The following CD200R1L variants were observed in gnomAD, a reference collection of about 807,000 sequenced individuals.
CD200R1L encodes the protein cell surface glycoprotein CD200 receptor 2.
In CD200R1L, 14 loss-of-function variants were observed where a neutral mutation model predicts 24.8. The observed-to-expected ratio is 0.56, with a 90% CI of 0.37 to 0.88. The LOEUF is 0.88. CD200R1L is among the 40% of genes least tolerant of loss of function. The probability of loss-of-function intolerance (pLI) is 0.00; values close to 1 mark genes in which losing one functional copy is unlikely to be tolerated. For missense variants in CD200R1L, 299 were observed against 297.8 expected (o/e 1.00, Z -0.03); for synonymous variants, 111 against 109.2 (o/e 1.02, Z -0.11).
intron 3 of CD200R1L, among the ~76,000 whole-genome samples, chr3:112,832,678 T>C (rs1938830822): frequency 6.6e-6 from 1 of 152,228 alleles, no homozygotes; most frequent in Non-Finnish European, 1.5e-5. Flanking sequence ...CAACGGCAGC[T>C]ACTCTGCCAG....
intron 2 of CD200R1L, among the ~76,000 whole-genome samples, chr3:112,844,290 C>T (rs988678160): frequency 5.3e-5 from 8 of 152,162 alleles, no homozygotes; most frequent in African/African-American, 1.9e-4. Flanking sequence ...CAGCCACATG[C>T]TCAACCACAA....
chr3:112,836,213 A>G (rs1938941019), intron 3 of CD200R1L, among the ~76,000 whole-genome samples: 1 of 152,218 alleles, frequency 6.6e-6, no homozygotes, highest in Non-Finnish European at 1.5e-5. Context: ...CACGGAGCAC[A>G]GAGGTCCCAT....
At chr3:112,819,725 T>A in intron 7 of CD200R1L, 47 bp downstream of exon 7, 1 of 109,980 alleles carries the variant, frequency 9.1e-6, no homozygotes, top group Non-Finnish European at 1.6e-5. Flanking sequence ...ACAATGATAC[T>A]TTTTTTTTTC....
intron 7 of CD200R1L, among the ~76,000 whole-genome samples, chr3:112,816,655 C>A (rs969002852): frequency 6.6e-6 from 1 of 152,172 alleles, no homozygotes; most frequent in Non-Finnish European, 1.5e-5. Context: ...ACCCAAATTT[C>A]ATCTTGAATT....
chr3:112,840,215 C>G (rs746711019), intron 2 of CD200R1L, among the ~76,000 whole-genome samples: 9 of 152,174 alleles, frequency 5.9e-5, no homozygotes, highest in Non-Finnish European at 1.2e-4. Flanking sequence ...TCTTGCACTG[C>G]TATCAAGAAA....
At position 112,827,387 on chromosome 3, in the gene CD200R1L, C is replaced by G; in HGVS notation, c.347G>C (p.Gly116Ala). 1 of 1,613,694 alleles carries G rather than the reference C, an allele frequency of 6.2e-7. No individual in the cohort carries two copies. The highest frequency in any genetic ancestry group is 8.5e-7 in the Non-Finnish European group (1 of 1,179,806). ...VVTPDGNFHR[G>A]YHLQVLVTPE... ...CTTACCTAACACTTGGAGGTGATAT[C>G]CACGATGGAAATTCCCATCAGGTGT... The change falls in exon 5 of 8, where the codon GGA (glycine) becomes GCA (alanine). Residue 116 changes from glycine (G) to alanine (A), a missense_variant. Transcript: ENST00000488794.
At chr3:112,822,172 T>TA (rs1938552000) in intron 6 of CD200R1L, among the ~76,000 whole-genome samples, 1 of 152,298 alleles carries the variant, frequency 6.6e-6, no homozygotes, top group Non-Finnish European at 1.5e-5. Flanking sequence ...TGATAAGCAA[T>TA]ATGTATGTAT....
intron 6 of CD200R1L, 97 bp from the exon 7 acceptor site, chr3:112,819,992 G>C (rs919871295): frequency 8.8e-6 from 10 of 1,138,154 alleles, no homozygotes; most frequent in Admixed American, 2.7e-5. Flanking sequence ...ATATTCTTAA[G>C]AGTTCATGGA....
intron 2 of CD200R1L, among the ~76,000 whole-genome samples, chr3:112,839,723 A>T (rs1451574402): frequency 2.0e-5 from 3 of 152,242 alleles, no homozygotes; most frequent in Non-Finnish European, 4.4e-5. Flanking sequence ...ACATATAGGC[A>T]AAAGCTGAGG....
At chr3:112,831,057 G>A (rs1488338856) in intron 3 of CD200R1L, among the ~76,000 whole-genome samples, 1 of 152,118 alleles carries the variant, frequency 6.6e-6, no homozygotes, top group Non-Finnish European at 1.5e-5. Context: ...ACTAAACAAA[G>A]CATCTCATGA....
chr3:112,829,508 A>C, intron 3 of CD200R1L, 124 bp from the exon 4 acceptor site: 25 of 1,289,060 alleles, frequency 1.9e-5, no homozygotes, highest in Non-Finnish European at 2.6e-5. Context: ...AATTATACAA[A>C]AATCATTGTA....
chr3:112,824,301 C>A (rs2107334400), intron 6 of CD200R1L, among the ~76,000 whole-genome samples: 1 of 152,286 alleles, frequency 6.6e-6, no homozygotes, highest in African/African-American at 2.4e-5. Context: ...TAGCTTGAGT[C>A]ATTTATCAAG....
chr3:112,826,153 T>A (rs995065613), intron 6 of CD200R1L, among the ~76,000 whole-genome samples: 2 of 150,440 alleles, frequency 1.3e-5, no homozygotes, highest in Non-Finnish European at 3.0e-5. Flanking sequence ...ATGATTATAT[T>A]TAATATTAGT....
intron 2 of CD200R1L, among the ~76,000 whole-genome samples, chr3:112,843,475 G>T (rs1471534179): frequency 6.6e-6 from 1 of 152,140 alleles, no homozygotes; most frequent in Non-Finnish European, 1.5e-5. Flanking sequence ...AGCTTCATAA[G>T]CAAAGAGAAA....
intron 3 of CD200R1L, among the ~76,000 whole-genome samples, chr3:112,831,176 A>G (rs1316114219): frequency 6.6e-6 from 1 of 152,216 alleles, no homozygotes; most frequent in Non-Finnish European, 1.5e-5. Flanking sequence ...TGATTTTTGT[A>G]TAATTTTAGT....
At chr3:112,824,071 GA>G (rs760009749) in intron 6 of CD200R1L, among the ~76,000 whole-genome samples, 6 of 152,126 alleles carry the variant, frequency 3.9e-5, no homozygotes, top group Non-Finnish European at 5.9e-5. Context: ...GGTCCAGGAA[GA>G]GTTGTTACAA....
chr3:112,838,867 A>G (rs879907229), intron 2 of CD200R1L, among the ~76,000 whole-genome samples: 2 of 152,202 alleles, frequency 1.3e-5, no homozygotes, highest in Non-Finnish European at 2.9e-5. Context: ...GGCCTCACTC[A>G]ATCGGCTGAA....
intron 6 of CD200R1L, among the ~76,000 whole-genome samples, chr3:112,822,325 A>C: frequency 6.6e-6 from 1 of 152,134 alleles, no homozygotes; most frequent in East Asian, 1.9e-4. Context: ...TGGGGCTGGT[A>C]ATTAGAAAGA....
rs1559927868 is a variant in CD200R1L at position 112,845,697 on chromosome 3, T to TG, written c.-106dup. The TG allele has an allele frequency of 1.2e-6, 2 of 1,613,572 alleles. No individual in the cohort carries two copies. The highest frequency in any genetic ancestry group is 2.2e-5 in the South Asian group (2 of 91,044). Reference sequence around the variant, plus strand: ...GACTTACCAGACACCATGATAATGATGGAAATCAGTAATCTTGGAGCTGAC... The same window carrying TG: ...GACTTACCAGACACCATGATAATGATGGGAAATCAGTAATCTTGGAGCTGAC... On this transcript the variant is annotated 5_prime_UTR_variant, in exon 2 of 8. The change creates a premature stop within an existing upstream ORF in the 5' untranslated region. Transcript: ENST00000488794.
Sources: gnomAD v4.1 joint callset for allele counts (sites outside exome capture counted in the v4.1 genomes callset) on GRCh38, gnomAD v4.1.1 for gene constraint, MANE v1.5 for transcripts, NCBI Gene and HGNC (gene_info 2026-07-23, HGNC 2026-07-21) for gene names.